Variants in GABRB2 observed in about 807,000 individuals in gnomAD.
GABRB2 encodes gamma-aminobutyric acid receptor subunit beta-2.
In GABRB2, 16 loss-of-function variants were observed where a neutral mutation model predicts 54.7. That is an observed-to-expected ratio of 0.29 (90% CI 0.20 to 0.44). GABRB2 has a LOEUF of 0.44. Among genes scored for constraint, GABRB2 ranks in the 20% least tolerant of loss-of-function variants. The pLI is 1.00. For synonymous variants in GABRB2, 244 were observed against 233.8 expected (o/e 1.04, Z -0.40); for missense variants, 355 against 644.0 (o/e 0.55, Z 4.86).
chr5:161,503,563 C>T (rs942781091), intron 3 of GABRB2, among the ~76,000 whole-genome samples: 1 of 151,910 alleles, frequency 6.6e-6, no homozygotes, highest in Non-Finnish European at 1.5e-5. Context: ...ACAAAGTTAG[C>T]CGGGCATGGT....
At chr5:161,524,921 A>G (rs1335500055) in intron 3 of GABRB2, among the ~76,000 whole-genome samples, 1 of 151,406 alleles carries the variant, frequency 6.6e-6, no homozygotes, top group Admixed American at 6.6e-5. Flanking sequence ...AAGTCTTAGC[A>G]AATATATAAG....
At position 161,294,209 on chromosome 5, in the gene GABRB2, C is replaced by T. The variant is rs140153076; in HGVS notation, c.1411G>A (p.Ala471Thr). ...GGGATGGTGATTTTCAGTTGGGAGG[C>T]GCGTCTCCTCAGGCGACTTTTCTTT... ...AQKKSRLRRR[A>T]SQLKITIPDL... Residue 471 changes from alanine to threonine, a missense_variant, in exon 10 of 10, where the codon GCC (alanine) becomes ACC (threonine). Ala to Thr is a moderately conservative substitution (Grantham distance 58, BLOSUM62 0). Coordinates refer to ENST00000393959, the MANE Select transcript of GABRB2 (RefSeq NM_001371727.1). 8.1e-6 allele frequency: 13 copies of T among 1,614,112 alleles called. No homozygotes were observed. The highest frequency in any genetic ancestry group is 3.3e-5 in the Admixed American group (2 of 60,006).
At chr5:161,463,580 T>TATAG in intron 3 of GABRB2, among the ~76,000 whole-genome samples, 1 of 125,522 alleles carries the variant, frequency 8.0e-6, no homozygotes, top group Non-Finnish European at 1.7e-5. Flanking sequence ...TATATATATA[T>TATAG]ATATATATAT....
chr5:161,443,912 T>A (rs1050180337), intron 4 of GABRB2, among the ~76,000 whole-genome samples: 5 of 152,142 alleles, frequency 3.3e-5, no homozygotes, highest in African/African-American at 1.2e-4. Context: ...AAATATAATT[T>A]ATTCACACAC....
At chr5:161,390,891 A>G (rs889236660) in intron 5 of GABRB2, among the ~76,000 whole-genome samples, 17 of 152,062 alleles carry the variant, frequency 1.1e-4, no homozygotes, top group African/African-American at 4.1e-4. Flanking sequence ...ACGGTTAAAC[A>G]TATTATATCT....
chr5:161,528,838 C>T (rs1183669709), intron 3 of GABRB2, among the ~76,000 whole-genome samples: 2 of 151,600 alleles, frequency 1.3e-5, no homozygotes, highest in Admixed American at 6.6e-5. Context: ...AGATTATTCC[C>T]GATCTTAAAA....
At chr5:161,475,061 T>A (rs1183502075) in intron 3 of GABRB2, among the ~76,000 whole-genome samples, 1 of 151,926 alleles carries the variant, frequency 6.6e-6, no homozygotes, top group Non-Finnish European at 1.5e-5. Context: ...ATGAAAAGAA[T>A]AGTTAATTGG....
intron 4 of GABRB2, among the ~76,000 whole-genome samples, chr5:161,440,653 T>G (rs1757443778): frequency 6.6e-6 from 1 of 152,006 alleles, no homozygotes; most frequent in Non-Finnish European, 1.5e-5. Context: ...ATAGCCAAAG[T>G]TATTCTAAGT....
At chr5:161,442,864 T>C (rs1400263368) in intron 4 of GABRB2, among the ~76,000 whole-genome samples, 1 of 152,092 alleles carries the variant, frequency 6.6e-6, no homozygotes, top group Non-Finnish European at 1.5e-5. Flanking sequence ...AAGTCTAGTG[T>C]CCCCAAATCT....
At chr5:161,455,931 C>G (rs770209439) in intron 4 of GABRB2, among the ~76,000 whole-genome samples, 1 of 152,158 alleles carries the variant, frequency 6.6e-6, no homozygotes, top group Non-Finnish European at 1.5e-5. Context: ...TGCAATACTT[C>G]TTTCTCTATC....
intron 9 of GABRB2, among the ~76,000 whole-genome samples, chr5:161,302,895 CTG>C (rs1361300418): frequency 6.6e-6 from 1 of 152,150 alleles, no homozygotes; most frequent in Non-Finnish European, 1.5e-5. Context: ...CTTCAAATCT[CTG>C]TGCTGAAGAA....
At chr5:161,466,084 T>A (rs1219523180) in intron 3 of GABRB2, among the ~76,000 whole-genome samples, 1 of 152,076 alleles carries the variant, frequency 6.6e-6, no homozygotes, top group Non-Finnish European at 1.5e-5. Flanking sequence ...GCAGTCAGTT[T>A]TTTTTGTTGT....
At chr5:161,480,154 A>G (rs1758718903) in intron 3 of GABRB2, among the ~76,000 whole-genome samples, 1 of 151,982 alleles carries the variant, frequency 6.6e-6, no homozygotes, top group African/African-American at 2.4e-5. Context: ...GAACCTGAAG[A>G]ATGACACAGC....
intron 4 of GABRB2, among the ~76,000 whole-genome samples, chr5:161,428,525 T>C (rs553966732): frequency 6.6e-6 from 1 of 152,104 alleles, no homozygotes; most frequent in African/African-American, 2.4e-5. Flanking sequence ...TTAAGGCAAG[T>C]ATAAGGATTT....
chr5:161,379,997 C>T (rs1755418074), intron 5 of GABRB2, among the ~76,000 whole-genome samples: 1 of 152,140 alleles, frequency 6.6e-6, no homozygotes. Context: ...GTCCTGCCAA[C>T]TTTACAGAGT....
intron 3 of GABRB2, among the ~76,000 whole-genome samples, chr5:161,503,681 C>T (rs147038597): frequency 2.1e-5 from 3 of 145,494 alleles, no homozygotes; most frequent in Non-Finnish European, 4.5e-5. Context: ...TGCACTCCCA[C>T]CAGGGCAACA....
intron 4 of GABRB2, among the ~76,000 whole-genome samples, chr5:161,437,414 C>T (rs1045966745): frequency 2.6e-5 from 4 of 152,052 alleles, no homozygotes; most frequent in African/African-American, 7.2e-5. Context: ...GAATACCTCG[C>T]CTTGAAGGAA....
At chr5:161,429,370 A>G (rs866899776) in intron 4 of GABRB2, among the ~76,000 whole-genome samples, 2 of 149,652 alleles carry the variant, frequency 1.3e-5, no homozygotes, top group South Asian at 4.2e-4. Context: ...AAAAAGAAAA[A>G]AAAAGAAATC....
At chr5:161,437,498 C>T (rs1353115772) in intron 4 of GABRB2, among the ~76,000 whole-genome samples, 2 of 152,046 alleles carry the variant, frequency 1.3e-5, no homozygotes, top group African/African-American at 2.4e-5. Context: ...AGCATTGATA[C>T]CCAGGTACTA....
Sources: allele counts gnomAD v4.1 joint callset (sites outside exome capture counted in the v4.1 genomes callset), GRCh38; gene constraint gnomAD v4.1.1; transcripts MANE v1.5; gene names NCBI Gene and HGNC (gene_info 2026-07-23, HGNC 2026-07-21).